CRACD: variants seen among roughly 807,000 people sequenced by gnomAD.
CRACD encodes the protein capping protein inhibiting regulator of actin dynamics, also known as capping protein-inhibiting regulator of actin dynamics.
In CRACD, 56 loss-of-function variants were observed where a neutral mutation model predicts 106.8. The observed-to-expected ratio is 0.52, with a 90% CI of 0.42 to 0.66. CRACD has a LOEUF of 0.66. CRACD is among the 30% of genes least tolerant of loss of function. The probability of loss-of-function intolerance (pLI) is 0.00; values close to 1 mark genes in which losing one functional copy is unlikely to be tolerated. For missense variants in CRACD, 1,730 were observed against 1,623.2 expected (o/e 1.07, Z -1.13); for synonymous variants, 754 against 670.8 (o/e 1.12, Z -1.92).
intron 1 of CRACD, among the ~76,000 whole-genome samples, chr4:56,089,283 T>G: frequency 6.6e-6 from 1 of 152,166 alleles, no homozygotes; most frequent in South Asian, 2.1e-4. Flanking sequence ...CATCTTGCCC[T>G]TTGTTAGGCT....
chr4:56,329,077 T>TATA lies in CRACD; in HGVS notation c.*1274_*1275insTAA, dbSNP rs1746644255. 6.6e-6 allele frequency among the ~76,000 whole-genome samples: 1 copy of TATA among 152,246 alleles called. No homozygotes were observed. The highest frequency in any genetic ancestry group is 2.4e-5 in the African/African-American group (1 of 41,460). ...CTACCTTTAAAAAACATCTGAGTTTTAAGTGGCCTTTTTATCATCATACAC... is the reference window on the plus strand; with the variant it reads ...CTACCTTTAAAAAACATCTGAGTTTTATAAAGTGGCCTTTTTATCATCATACAC... On this transcript the variant is annotated 3_prime_UTR_variant, in exon 11 of 11. Coordinates refer to ENST00000682029, the MANE Select transcript of CRACD (RefSeq NM_001393381.1).
intron 1 of CRACD, among the ~76,000 whole-genome samples, chr4:56,125,110 A>G (rs1292537746): frequency 5.3e-5 from 8 of 152,226 alleles, no homozygotes; most frequent in African/African-American, 1.9e-4. Context: ...CTTTCATAGT[A>G]AAGAAGATGT....
intron 1 of CRACD, among the ~76,000 whole-genome samples, chr4:56,141,303 CCAAA>C (rs1395740010): frequency 6.6e-6 from 1 of 152,146 alleles, no homozygotes; most frequent in Non-Finnish European, 1.5e-5. Flanking sequence ...GATTGAAATG[CCAAA>C]CAGAGGACTG....
intron 1 of CRACD, among the ~76,000 whole-genome samples, chr4:56,169,506 G>A (rs559576018): frequency 1.3e-5 from 2 of 152,034 alleles, no homozygotes; most frequent in South Asian, 4.2e-4. Context: ...AAGTGTATTG[G>A]TTTTGTTTTG....
chr4:56,230,644 G>A (rs777894095), intron 2 of CRACD, among the ~76,000 whole-genome samples: 3 of 152,176 alleles, frequency 2.0e-5, no homozygotes, highest in Non-Finnish European at 2.9e-5. Flanking sequence ...CTTAGGACCT[G>A]TCACAGAGGG....
At chr4:56,218,513 CT>C (rs1426748523) in intron 2 of CRACD, among the ~76,000 whole-genome samples, 2 of 131,270 alleles carry the variant, frequency 1.5e-5, no homozygotes, top group Admixed American at 7.7e-5. Context: ...TTCCCCTCCC[CT>C]CCCCTCCCTC....
chr4:56,070,050 C>T (rs1460398129), intron 1 of CRACD, among the ~76,000 whole-genome samples: 1 of 152,152 alleles, frequency 6.6e-6, no homozygotes, highest in Non-Finnish European at 1.5e-5. Context: ...TTGGAGCCAA[C>T]GGGTGATTTC....
intron 1 of CRACD, among the ~76,000 whole-genome samples, chr4:56,124,020 C>G (rs933328082): frequency 2.0e-5 from 3 of 152,070 alleles, no homozygotes; most frequent in Non-Finnish European, 2.9e-5. Context: ...TCACTGCAAC[C>G]TCTGCCTCCC....
intron 1 of CRACD, among the ~76,000 whole-genome samples, chr4:56,168,916 A>T (rs1017398563): frequency 1.3e-5 from 2 of 152,128 alleles, no homozygotes; most frequent in Admixed American, 1.3e-4. Context: ...GAACCTAATG[A>T]CCGTTTATCA....
Position 56,230,294 on chromosome 4 carries a change from T to C in CRACD, c.-188-42027T>C, listed in dbSNP as rs1026721442. 2.0e-5 allele frequency among the ~76,000 whole-genome samples: 3 copies of C among 152,312 alleles called. No individual in the cohort carries two copies. The South Asian group carries it at 6.2e-4, about 32-fold the overall frequency. ...GGTGACTGAGGTGACCCTTAGCTCC[T>C]TTGATAAAAAGCATGCAGGCTTTTT... On this transcript the variant is annotated intron_variant, in intron 2 of 10. Transcript: ENST00000682029.
chr4:56,105,811 G>A (rs1473331697), intron 1 of CRACD, among the ~76,000 whole-genome samples: 1 of 151,956 alleles, frequency 6.6e-6, no homozygotes, highest in Non-Finnish European at 1.5e-5. Context: ...TGTTTGTTGT[G>A]TGTTTATTAC....
At chr4:56,116,880 G>T (rs1186709222) in intron 1 of CRACD, among the ~76,000 whole-genome samples, 1 of 150,902 alleles carries the variant, frequency 6.6e-6, no homozygotes, top group South Asian at 2.1e-4. Context: ...ACTAATTTTT[G>T]TATTTTTGGT....
intron 4 of CRACD, among the ~76,000 whole-genome samples, chr4:56,299,719 T>C (rs1233170945): frequency 6.6e-6 from 1 of 151,752 alleles, no homozygotes; most frequent in Non-Finnish European, 1.5e-5. Context: ...AAGCAAGCAC[T>C]TCTCTGAGGC....
intron 1 of CRACD, among the ~76,000 whole-genome samples, chr4:56,057,799 A>ATTTTTTTTTTTTTTTTT: frequency 2.3e-5 from 1 of 43,472 alleles, no homozygotes; most frequent in Non-Finnish European, 4.6e-5. Context: ...CATTTTTTGT[A>ATTTTTTTTTTTTTTTTT]TTTTTTTTTT....
At chr4:56,258,633 C>T (rs1228145905) in intron 2 of CRACD, among the ~76,000 whole-genome samples, 8 of 152,188 alleles carry the variant, frequency 5.3e-5, no homozygotes. Context: ...AATGCTGTAG[C>T]CCCATTCTGA....
At chr4:56,270,921 AACACAC>A (rs35109908) in intron 2 of CRACD, among the ~76,000 whole-genome samples, 14 of 145,628 alleles carry the variant, frequency 9.6e-5, no homozygotes, top group Admixed American at 3.5e-4. Context: ...GTCTCTACTA[AACACAC>A]ACACACACAC....
At chr4:56,219,340 G>C (rs981431480) in intron 2 of CRACD, among the ~76,000 whole-genome samples, 1 of 152,108 alleles carries the variant, frequency 6.6e-6, no homozygotes, top group African/African-American at 2.4e-5. Flanking sequence ...ATTAGGTTTT[G>C]TTCGTTTGTT....
Position 56,298,368 on chromosome 4 carries a change from G to A in CRACD, c.120+19G>A. On this transcript the variant is annotated intron_variant, in intron 4 of 10. Coordinates refer to ENST00000682029, the MANE Select transcript of CRACD (RefSeq NM_001393381.1). ...TCTTCAGGTAAGACAGCTTGAGAGT[G>A]GAATTACGAGCCATAGGAGGGGCCC... The A allele has an allele frequency of 6.2e-7, 1 of 1,612,686 alleles. No homozygotes were observed. Among genetic ancestry groups the A allele is most frequent in the Non-Finnish European group, 8.5e-7 (1 of 1,179,396 alleles).
chr4:56,192,514 T>C (rs1737425332), intron 2 of CRACD, among the ~76,000 whole-genome samples: 2 of 152,174 alleles, frequency 1.3e-5, no homozygotes, highest in South Asian at 4.1e-4. Context: ...TAGGGCGTGA[T>C]ACAAATGTGA....
Sources: allele counts gnomAD v4.1 joint callset (sites outside exome capture counted in the v4.1 genomes callset), GRCh38; gene constraint gnomAD v4.1.1; transcripts MANE v1.5; gene names NCBI Gene and HGNC (gene_info 2026-07-23, HGNC 2026-07-21).